The following C8orf34 variants were observed in gnomAD, a reference collection of about 807,000 sequenced individuals.
C8orf34 encodes the protein chromosome 8 open reading frame 34.
A neutral mutation model predicts 68.3 loss-of-function variants in C8orf34; 65 were observed. That is an observed-to-expected ratio of 0.95 (90% CI 0.78 to 1.17). The LOEUF (loss-of-function observed/expected upper bound fraction) is 1.17, where lower values mean the gene tolerates loss of function less well. Among genes scored for constraint, C8orf34 ranks in the 50% most tolerant of loss-of-function variants. The pLI, the probability that C8orf34 is intolerant of heterozygous loss-of-function variation, is 0.00. For missense variants in C8orf34, 664 were observed against 655.4 expected (o/e 1.01, Z -0.14); for synonymous variants, 244 against 241.2 (o/e 1.01, Z -0.11).
intron 1 of C8orf34, among the ~76,000 whole-genome samples, chr8:68,341,545 A>T (rs1236519838): frequency 1.3e-5 from 2 of 152,182 alleles, no homozygotes. Flanking sequence ...GTTGAGATGT[A>T]ATCCCTAGTG....
rs186723831 is a variant in C8orf34, at chr8:68,353,974, G to C, written c.327+22635G>C. ...GGAACCAATCCCCTTCTGCATCTGAGGGACAACTGTATATATCAAAACAAG... is the reference window on the plus strand; with the variant it reads ...GGAACCAATCCCCTTCTGCATCTGACGGACAACTGTATATATCAAAACAAG... On this transcript the variant is annotated intron_variant, in intron 1 of 13. Transcript: ENST00000518698. Among the ~76,000 whole-genome samples the C allele has an allele frequency of 2.3e-3, 356 of 151,966 alleles. 1 individual carries two copies. The highest frequency in any genetic ancestry group is 8.3e-3 in the African/African-American group (344 of 41,468).
At chr8:68,777,727 C>T (rs1364416884) in intron 11 of C8orf34, among the ~76,000 whole-genome samples, 2 of 152,182 alleles carry the variant, frequency 1.3e-5, no homozygotes, top group Non-Finnish European at 2.9e-5. Flanking sequence ...TAGGGAGTAA[C>T]TGTGTGCATC....
At chr8:68,498,523 G>A (rs933126324) in intron 5 of C8orf34, among the ~76,000 whole-genome samples, 1 of 152,146 alleles carries the variant, frequency 6.6e-6, no homozygotes, top group Non-Finnish European at 1.5e-5. Context: ...AGGGAGAACA[G>A]CACCACAGTC....
intron 7 of C8orf34, among the ~76,000 whole-genome samples, chr8:68,624,855 C>T (rs1028163642): frequency 9.2e-5 from 14 of 152,056 alleles, no homozygotes; most frequent in Admixed American, 9.2e-4. Flanking sequence ...TCTGCCTCAG[C>T]CTCCCGAGTA....
At chr8:68,752,172 T>G (rs1424855186) in intron 10 of C8orf34, among the ~76,000 whole-genome samples, 1 of 152,220 alleles carries the variant, frequency 6.6e-6, no homozygotes, top group Non-Finnish European at 1.5e-5. Context: ...GTTAAACTTG[T>G]AAGAGAGTTC....
intron 10 of C8orf34, among the ~76,000 whole-genome samples, chr8:68,738,337 T>C (rs1054220267): frequency 6.6e-6 from 1 of 151,866 alleles, no homozygotes; most frequent in Non-Finnish European, 1.5e-5. Context: ...AATGCCCACA[T>C]TGAAAAGTTA....
chr8:68,662,201 T>TA (rs1218503784), intron 8 of C8orf34, among the ~76,000 whole-genome samples: 1 of 151,992 alleles, frequency 6.6e-6, no homozygotes, highest in Non-Finnish European at 1.5e-5. Flanking sequence ...GTTATGTAGA[T>TA]AAAAAATCTC....
intron 10 of C8orf34, among the ~76,000 whole-genome samples, chr8:68,733,904 C>T (rs560960958): frequency 9.2e-5 from 14 of 152,198 alleles, no homozygotes; most frequent in South Asian, 8.3e-4. Context: ...TATCTCTCCA[C>T]GATGTCACAA....
chr8:68,723,559 T>C (rs541845587), intron 10 of C8orf34, among the ~76,000 whole-genome samples: 28 of 152,146 alleles, frequency 1.8e-4, no homozygotes, highest in Non-Finnish European at 3.5e-4. Context: ...TTTTAAGAAA[T>C]GTTCTGCCAT....
chr8:68,511,220 T>A (rs1352327460), intron 5 of C8orf34, among the ~76,000 whole-genome samples: 1 of 152,140 alleles, frequency 6.6e-6, no homozygotes, highest in African/African-American at 2.4e-5. Context: ...AGCAAGGCAA[T>A]TTTTACTTCT....
chr8:68,546,643 A>C (rs1404489426), intron 7 of C8orf34, among the ~76,000 whole-genome samples: 1 of 151,868 alleles, frequency 6.6e-6, no homozygotes, highest in Non-Finnish European at 1.5e-5. Context: ...AGTAGATTGA[A>C]ATTTATAGTA....
chr8:68,725,945 G>A (rs984560094), intron 10 of C8orf34, among the ~76,000 whole-genome samples: 1 of 151,930 alleles, frequency 6.6e-6, no homozygotes, highest in African/African-American at 2.4e-5. Context: ...GTCTCACTCT[G>A]TCACCCAAGC....
At chr8:68,591,686 A>G (rs1222628832) in intron 7 of C8orf34, among the ~76,000 whole-genome samples, 2 of 152,246 alleles carry the variant, frequency 1.3e-5, no homozygotes, top group African/African-American at 4.8e-5. Context: ...ACTATTTCCC[A>G]AACACATGTC....
At chr8:68,796,764 C>T (rs1423656850) in intron 12 of C8orf34, among the ~76,000 whole-genome samples, 1 of 151,078 alleles carries the variant, frequency 6.6e-6, no homozygotes, top group Non-Finnish European at 1.5e-5. Flanking sequence ...AGTCCTGTGG[C>T]AATGAGATCT....
At position 68,692,101 on chromosome 8, in the gene C8orf34, G is replaced by T. The variant is rs548621881; in HGVS notation, c.1242-16893G>T. 9.2e-5 allele frequency among the ~76,000 whole-genome samples: 14 copies of T among 152,106 alleles called. No homozygotes were observed. In the East Asian group the frequency reaches 2.7e-3, roughly 30 times the overall value. Reference sequence around the variant, plus strand: ...ATGAGAAAGCCCGGGGATGATCCAGGTTTGTTGAAATTAGATCAGAGGGTA... The same window carrying T: ...ATGAGAAAGCCCGGGGATGATCCAGTTTTGTTGAAATTAGATCAGAGGGTA... On this transcript the variant is annotated intron_variant, in intron 8 of 13. Transcript: ENST00000518698.
chr8:68,758,647 G>A (rs896428138), intron 10 of C8orf34, among the ~76,000 whole-genome samples: 1 of 152,092 alleles, frequency 6.6e-6, no homozygotes, highest in Admixed American at 6.5e-5. Flanking sequence ...ATAAGGGATC[G>A]TGGCGGCTTG....
chr8:68,503,969 A>G (rs1391416573), intron 5 of C8orf34, among the ~76,000 whole-genome samples: 1 of 152,202 alleles, frequency 6.6e-6, no homozygotes, highest in Non-Finnish European at 1.5e-5. Context: ...TTTAAAGTAT[A>G]TGGTTTAGTA....
chr8:68,365,008 TAAAG>T (rs1807181261), intron 1 of C8orf34, among the ~76,000 whole-genome samples: 1 of 150,244 alleles, frequency 6.7e-6, no homozygotes, highest in South Asian at 2.1e-4. Context: ...GCAAGATTAA[TAAAG>T]AAAAAAAGAG....
At chr8:68,359,398 C>T (rs1016939407) in intron 1 of C8orf34, among the ~76,000 whole-genome samples, 2 of 152,136 alleles carry the variant, frequency 1.3e-5, no homozygotes, top group African/African-American at 4.8e-5. Flanking sequence ...CTACTGACTC[C>T]TACATGGGTA....
Sources: allele counts gnomAD v4.1 joint callset (sites outside exome capture counted in the v4.1 genomes callset), GRCh38; gene constraint gnomAD v4.1.1; transcripts MANE v1.5; gene names NCBI Gene and HGNC (gene_info 2026-07-23, HGNC 2026-07-21).